PREX2: variants seen among roughly 807,000 people sequenced by gnomAD.
PREX2 encodes phosphatidylinositol 3,4,5-trisphosphate-dependent Rac exchanger 2 protein.
A neutral mutation model predicts 203.2 loss-of-function variants in PREX2; 107 were observed. That is an observed-to-expected ratio of 0.53 (90% CI 0.45 to 0.62). The LOEUF is 0.62. PREX2 is among the 20% of genes least tolerant of loss of function. PREX2 has a pLI of 0.00. For missense variants in PREX2, 1,777 were observed against 1,955.9 expected, an observed-to-expected ratio of 0.91 and a Z score of 1.72; for synonymous variants, 672 against 663.6, an observed-to-expected ratio of 1.01 and a Z score of -0.19.
At chr8:68,146,984 CT>C (rs535277280) in intron 34 of PREX2, among the ~76,000 whole-genome samples, 1 of 152,054 alleles carries the variant, frequency 6.6e-6, no homozygotes, top group Non-Finnish European at 1.5e-5. Context: ...GGTCTTGAAT[CT>C]TTCTTATTTT....
chr8:67,952,194 G>A lies in PREX2; in HGVS notation c.-201G>A, dbSNP rs547871664. On this transcript the variant is annotated 5_prime_UTR_variant, in exon 1 of 40. Transcript: ENST00000288368. ...AGGAGTTTCCTCTGCAGAGCCCCGC[G>A]CCCCCCGCGCCGGGATTTCAGCCCG... 1.3e-3 allele frequency: 518 copies of A among 406,236 alleles called. 2 individuals carry two copies. Among genetic ancestry groups the A allele is most frequent in the Non-Finnish European group, 1.9e-3 (456 of 242,990 alleles). 25.2% of individuals were successfully genotyped at this position (406,236 alleles called of 1,614,324 possible).
At chr8:67,989,453 T>A (rs1391774576) in intron 1 of PREX2, among the ~76,000 whole-genome samples, 2 of 152,318 alleles carry the variant, frequency 1.3e-5, no homozygotes, top group East Asian at 3.9e-4. Flanking sequence ...CTTCTCAACA[T>A]TGAATGAATG....
At chr8:68,170,150 G>A (rs916822638) in intron 35 of PREX2, among the ~76,000 whole-genome samples, 1 of 152,170 alleles carries the variant, frequency 6.6e-6, no homozygotes, top group African/African-American at 2.4e-5. Context: ...CATGTTTGAG[G>A]AAGACAGAGA....
In PREX2 at chr8:68,224,619, G is replaced by A. The variant is rs777912909; in HGVS notation, c.4768G>A (p.Ala1590Thr). ...LGVRDRTPQS[A>T]PRLYKLCEPP... ...AGTCAGAGACCGGACTCCACAGTCT[G>A]CACCAAGGTAAGTGCATCCCCTGCT... is the stretch of plus-strand genomic sequence containing the variant. The change falls in exon 39 of 40, where the codon GCA (alanine) becomes ACA (threonine). Residue 1590 changes from alanine (A) to threonine (T), a missense_variant. Coordinates refer to ENST00000288368, the MANE Select transcript of PREX2 (RefSeq NM_024870.4). The A allele has an allele frequency of 6.2e-7, 1 of 1,612,944 alleles. No homozygotes were observed. Among genetic ancestry groups the A allele is most frequent in the Non-Finnish European group, 8.5e-7 (1 of 1,179,162 alleles).
chr8:68,003,841 CCTT>C (rs1313615277), intron 1 of PREX2, among the ~76,000 whole-genome samples: 11 of 121,640 alleles, frequency 9.0e-5, no homozygotes, highest in Non-Finnish European at 1.9e-4. Flanking sequence ...TCTGGCCTGA[CCTT>C]TTTTTTTTTT....
At chr8:68,225,812 C>G (rs922114710) in intron 39 of PREX2, among the ~76,000 whole-genome samples, 1 of 152,122 alleles carries the variant, frequency 6.6e-6, no homozygotes, top group Admixed American at 6.5e-5. Flanking sequence ...TTTTTACATA[C>G]GCATTCTCCA....
chr8:68,159,145 A>T (rs1811604537), intron 35 of PREX2, among the ~76,000 whole-genome samples: 3 of 152,322 alleles, frequency 2.0e-5, no homozygotes, highest in Admixed American at 6.5e-5. Flanking sequence ...AGAGACTCAT[A>T]GCTGGGAAGT....
Position 68,053,115 on chromosome 8 carries a change from G to A in PREX2, c.962G>A (p.Gly321Glu), listed in dbSNP as rs1297841416. 1.2e-6 allele frequency: 2 copies of A among 1,613,176 alleles called. No homozygotes were observed. The highest frequency in any genetic ancestry group is 8.5e-7 in the Non-Finnish European group (1 of 1,179,454). ...TTTACAGCTGATTTCCATAGCAGTG[G>A]ACACATTGTTGTTAATGGATGGAAG... ...DDGTADFHSS[G>E]HIVVNGWKIH... Residue 321 changes from glycine (G) to glutamate (E), a missense_variant, in exon 9 of 40, where the codon GGA (glycine) becomes GAA (glutamate). Gly to Glu is a moderately conservative substitution (Grantham distance 98). Transcript: ENST00000288368.
At chr8:68,130,696 G>A (rs1030340306) in intron 31 of PREX2, among the ~76,000 whole-genome samples, 2 of 152,306 alleles carry the variant, frequency 1.3e-5, no homozygotes, top group East Asian at 1.9e-4. Flanking sequence ...CAGATGATAT[G>A]CCTCTAAGGA....
rs754115767 is a variant in PREX2, at chr8:68,192,525, G to A, written c.4604G>A (p.Arg1535Gln). The A allele has an allele frequency of 5.0e-6, 8 of 1,604,448 alleles. No homozygotes were observed. The highest frequency in any genetic ancestry group is 2.2e-5 in the East Asian group (1 of 44,642). ...ATCATGTGCAGCAGCGGTGTGCATC[G>A]GTATGTGACCCTCCCGCCTTGCTTG... is the stretch of plus-strand genomic sequence containing the variant. ...HIIMCSSGVH[R>Q]CTLSVTLEQA... is the part of the protein sequence containing the mutation. The change falls in exon 37 of 40, where the codon CGG (arginine) becomes CAG (glutamine). Residue 1535 changes from arginine (R) to glutamine (Q), a missense_variant and splice_region_variant. Physicochemically the swap from Arg to Gln is conservative, Grantham distance 43 (BLOSUM62 1). Coordinates refer to ENST00000288368, the MANE Select transcript of PREX2 (RefSeq NM_024870.4).
intron 33 of PREX2, among the ~76,000 whole-genome samples, chr8:68,143,956 C>T (rs1174147108): frequency 6.6e-6 from 1 of 152,084 alleles, no homozygotes; most frequent in African/African-American, 2.4e-5. Flanking sequence ...TATCTTTGCT[C>T]CATTGTATTA....
rs1050628552 is a variant in PREX2, at chr8:67,987,084, C to T, written c.142-30762C>T. On this transcript the variant is annotated intron_variant, in intron 1 of 39. Coordinates refer to ENST00000288368, the MANE Select transcript of PREX2 (RefSeq NM_024870.4). ...AGGAGAATGGTGTGAACCTGGGAGGCGGAGCTTGCAGTGAGCAGAGATCAC... is the reference window on the plus strand; with the variant it reads ...AGGAGAATGGTGTGAACCTGGGAGGTGGAGCTTGCAGTGAGCAGAGATCAC... Among the ~76,000 whole-genome samples, 7 of 133,652 alleles carry T rather than the reference C, an allele frequency of 5.2e-5. No individual in the cohort carries two copies. The South Asian group carries it at 7.7e-4, about 15-fold the overall frequency. 87.7% of individuals were successfully genotyped at this position (133,652 alleles called of 152,430 possible).
At chr8:68,017,418 T>C (rs148626545) in intron 1 of PREX2, among the ~76,000 whole-genome samples, 28 of 152,234 alleles carry the variant, frequency 1.8e-4, no homozygotes, top group African/African-American at 6.3e-4. Flanking sequence ...TCAACCTACC[T>C]ACCTATCTTC....
At chr8:68,190,765 T>A (rs1218735730) in intron 35 of PREX2, among the ~76,000 whole-genome samples, 1 of 151,924 alleles carries the variant, frequency 6.6e-6, no homozygotes, top group Admixed American at 6.6e-5. Flanking sequence ...AAAAGAATGG[T>A]TAAAATGCTA....
chr8:68,191,901 G>A (rs1351530906), intron 36 of PREX2, 113 bp downstream of exon 36: 2 of 695,070 alleles, frequency 2.9e-6, no homozygotes, highest in South Asian at 3.8e-5. Context: ...ATCTAAGTAG[G>A]GAGCTAGTCT....
At position 68,231,476 on chromosome 8, in the gene PREX2, GCT is replaced by G. The variant is rs766061220; in HGVS notation, c.*99_*100del. 1.6e-6 allele frequency: 1 copy of G among 643,708 alleles called. No homozygotes were observed. The highest frequency in any genetic ancestry group is 3.4e-5 in the South Asian group (1 of 29,076). The allele number at this position is 643,708 out of a possible 1,614,324, so 39.9% of individuals were successfully genotyped here. A position where few individuals can be genotyped will look rare whatever the true frequency, so the allele number is the denominator to read the frequency against. On this transcript the variant is annotated 3_prime_UTR_variant, in exon 40 of 40. Transcript: ENST00000288368. ...CATTCTCCACTGAAGATACATCAAT[GCT>G]TTTTTTTTTTTTTTTTTCTGTAAAT...
intron 4 of PREX2, among the ~76,000 whole-genome samples, chr8:68,025,404 T>A (rs1484948147): frequency 6.6e-6 from 1 of 151,996 alleles, no homozygotes; most frequent in Non-Finnish European, 1.5e-5. Context: ...ATATGATGGG[T>A]CATTTTTCTC....
intron 1 of PREX2, among the ~76,000 whole-genome samples, chr8:67,973,807 G>T (rs1223100209): frequency 6.6e-6 from 1 of 152,098 alleles, no homozygotes; most frequent in African/African-American, 2.4e-5. Flanking sequence ...TTTACAGCTG[G>T]GAGCAGTTGT....
intron 17 of PREX2, 41 bp downstream of exon 17, chr8:68,080,879 A>G (rs773688767): frequency 8.2e-6 from 9 of 1,092,828 alleles, no homozygotes; most frequent in Non-Finnish European, 1.2e-5. Flanking sequence ...TGTTATCATG[A>G]CATAAAAATA....
Sources: gnomAD v4.1 joint callset for allele counts (sites outside exome capture counted in the v4.1 genomes callset) on GRCh38, gnomAD v4.1.1 for gene constraint, MANE v1.5 for transcripts, NCBI Gene and HGNC (gene_info 2026-07-23, HGNC 2026-07-21) for gene names.